The following SOAT1 variants were observed in gnomAD, a reference collection of about 807,000 sequenced individuals.
SOAT1 encodes the protein sterol O-acyltransferase 1, also known as acyl-coenzyme A:cholesterol acyltransferase 1.
Under a neutral mutation model 69.5 loss-of-function variants are expected in SOAT1, and 55 were observed. The ratio of observed to expected loss-of-function variants is 0.79; its 90% CI spans 0.64 to 0.99. The LOEUF is 0.99. SOAT1 is among the 50% of genes least tolerant of loss of function. The probability of loss-of-function intolerance (pLI) is 0.00; values close to 1 mark genes in which losing one functional copy is unlikely to be tolerated. For synonymous variants in SOAT1, 231 were observed against 224.7 expected (o/e 1.03, Z -0.25); for missense variants, 580 against 669.3 (o/e 0.87, Z 1.47).
rs1233635105 is a variant in SOAT1, at chr1:179,358,153, T to A, written c.*4512T>A. 6.6e-6 allele frequency: 1 copy of A among 152,208 alleles called. No individual in the cohort carries two copies. Among genetic ancestry groups the A allele is most frequent in the Non-Finnish European group, 1.5e-5 (1 of 68,036 alleles). The allele number at this position is 152,208 out of a possible 1,614,324, so 9.4% of individuals were successfully genotyped here. A position where few individuals can be genotyped will look rare whatever the true frequency, so the allele number is the denominator to read the frequency against. ...ATATGTTTTTGGTAAAAAAAGACTT[T>A]AATAGCTAATTTGGACTTCAGAAAA... On this transcript the variant is annotated 3_prime_UTR_variant, in exon 16 of 16. Transcript: ENST00000367619.
rs986281801 is a variant in SOAT1 at position 179,354,832 on chromosome 1, T to C, written c.*1191T>C. The C allele has an allele frequency of 6.6e-6, 1 of 152,234 alleles. No homozygotes were observed. Among genetic ancestry groups the C allele is most frequent in the African/African-American group, 2.4e-5 (1 of 41,454 alleles). 9.4% of individuals were successfully genotyped at this position (152,234 alleles called of 1,614,324 possible). ...AATTATTTGTATGTATGAGGTATGA[T>C]TGTAAAGATTGAGCATTGGAAGGGG... is the stretch of plus-strand genomic sequence containing the variant. On this transcript the variant is annotated 3_prime_UTR_variant, in exon 16 of 16. Transcript: ENST00000367619.
chr1:179,319,497 C>T (rs536655701), intron 2 of SOAT1, among the ~76,000 whole-genome samples: 4 of 151,912 alleles, frequency 2.6e-5, no homozygotes, highest in African/African-American at 7.3e-5. Flanking sequence ...CTCGAACTGC[C>T]GACCTCAGGT....
At chr1:179,332,563 CCCTT>C (rs1200538536) in intron 3 of SOAT1, among the ~76,000 whole-genome samples, 3 of 152,146 alleles carry the variant, frequency 2.0e-5, no homozygotes, top group Admixed American at 6.6e-5. Context: ...TGCCGCTTCT[CCCTT>C]CCTTCCTTCT....
intron 2 of SOAT1, among the ~76,000 whole-genome samples, chr1:179,311,304 C>T (rs1402732931): frequency 6.6e-6 from 1 of 151,976 alleles, no homozygotes; most frequent in East Asian, 1.9e-4. Context: ...AGTTAGAGGT[C>T]GCAGTGAGCT....
In SOAT1 at chr1:179,354,752, A is replaced by T. The variant is rs1289124467; in HGVS notation, c.*1111A>T. The T allele has an allele frequency of 4.6e-5, 7 of 152,188 alleles. No homozygotes were observed. The East Asian group carries it at 1.3e-3, about 29-fold the overall frequency. 9.4% of individuals were successfully genotyped at this position (152,188 alleles called of 1,614,324 possible). ...GATTGGTTTCAAGGAAATGTACTCT[A>T]TTATGTAATACTTCCATTTTATAAG... On this transcript the variant is annotated 3_prime_UTR_variant, in exon 16 of 16. Coordinates refer to ENST00000367619, the MANE Select transcript of SOAT1 (RefSeq NM_003101.6).
intron 2 of SOAT1, among the ~76,000 whole-genome samples, chr1:179,308,018 G>T (rs1171457484): frequency 6.6e-6 from 1 of 151,902 alleles, no homozygotes; most frequent in Admixed American, 6.6e-5. Flanking sequence ...TCAAACTCCC[G>T]ACCTCAGGTG....
chr1:179,300,103 C>G (rs1664786206), intron 1 of SOAT1, among the ~76,000 whole-genome samples: 2 of 151,308 alleles, frequency 1.3e-5, no homozygotes, highest in Non-Finnish European at 2.9e-5. Flanking sequence ...GCTATATGCT[C>G]TTTAAAAGAG....
intron 12 of SOAT1, among the ~76,000 whole-genome samples, chr1:179,348,363 A>G (rs1558059036): frequency 6.6e-6 from 1 of 152,144 alleles, no homozygotes; most frequent in Non-Finnish European, 1.5e-5. Flanking sequence ...CAAGAAGCAT[A>G]TATAGGGATA....
Position 179,337,862 on chromosome 1 carries a change from GGAAA to G in SOAT1, c.358_361del (p.Lys120PhefsTer9). On this transcript the variant is annotated frameshift_variant, in exon 5 of 16. Coordinates refer to ENST00000367619, the MANE Select transcript of SOAT1 (RefSeq NM_003101.6). LOFTEE classifies it high-confidence loss of function. The stretch of plus-strand genomic sequence containing the variant: ...GGATTTGAGAGCACCTCCAGAACAA[GGAAA>G]GATTTTTATTGCAAGGCGCTCTCTC... The G allele has an allele frequency of 6.2e-7, 1 of 1,610,648 alleles. No homozygotes were observed. Among genetic ancestry groups the G allele is most frequent in the Non-Finnish European group, 8.5e-7 (1 of 1,178,404 alleles).
At chr1:179,315,529 T>A (rs540986384) in intron 2 of SOAT1, among the ~76,000 whole-genome samples, 2 of 152,298 alleles carry the variant, frequency 1.3e-5, no homozygotes, top group South Asian at 4.1e-4. Context: ...GACATCTAAT[T>A]TTTAAATTTT....
chr1:179,305,762 G>A (rs2250477), intron 2 of SOAT1, among the ~76,000 whole-genome samples: 1 of 151,996 alleles, frequency 6.6e-6, no homozygotes, highest in Non-Finnish European at 1.5e-5. Context: ...TTTGATGATA[G>A]CCTTCCAGCC....
intron 2 of SOAT1, among the ~76,000 whole-genome samples, chr1:179,311,591 C>G (rs866897147): frequency 9.0e-6 from 1 of 110,876 alleles, no homozygotes; most frequent in African/African-American, 2.8e-5. Flanking sequence ...AAAAAAAAAT[C>G]GTTTCTAAAT....
rs149383450 is a variant in SOAT1 at position 179,354,628 on chromosome 1, A to T, written c.*987A>T. On this transcript the variant is annotated 3_prime_UTR_variant, in exon 16 of 16. Transcript: ENST00000367619. ...CCATAAGTATTAATCACCTCCACTC[A>T]TATTAAAGTGATCATTAAGAATCCA... is the stretch of plus-strand genomic sequence containing the variant. 12 of 152,306 alleles carry T rather than the reference A, an allele frequency of 7.9e-5. No homozygotes were observed. Among genetic ancestry groups the T allele is most frequent in the Admixed American group, 7.2e-4 (11 of 15,292 alleles). 9.4% of individuals were successfully genotyped at this position (152,306 alleles called of 1,614,324 possible).
In SOAT1 at chr1:179,295,966, A is replaced by AT. The variant is rs58893158; in HGVS notation, c.-9+2065dup. ...GGGCATGTGCTACCACGCCCGGCTA[A>AT]TTTTTTTTTTTTTTTTTTTTTTTTT... On this transcript the variant is annotated intron_variant, in intron 1 of 15. Coordinates refer to ENST00000367619, the MANE Select transcript of SOAT1 (RefSeq NM_003101.6). 9.7e-3 allele frequency among the ~76,000 whole-genome samples: 503 copies of AT among 52,020 alleles called. 20 individuals carry two copies. The highest frequency in any genetic ancestry group is 0.042 in the African/African-American group (487 of 11,536). 34.1% of individuals were successfully genotyped at this position (52,020 alleles called of 152,430 possible).
At chr1:179,315,627 T>A (rs1188364752) in intron 2 of SOAT1, among the ~76,000 whole-genome samples, 1 of 152,236 alleles carries the variant, frequency 6.6e-6, no homozygotes, top group Non-Finnish European at 1.5e-5. Flanking sequence ...TTTTAAAATA[T>A]ATTTTTCTTC....
chr1:179,347,589 C>CG lies in SOAT1; in HGVS notation c.1118-11_1118-10insG. On this transcript the variant is annotated splice_polypyrimidine_tract_variant and intron_variant, in intron 11 of 15. Transcript: ENST00000367619. ...TGGAAAGACTGTTAATATTGTTAAT[C>CG]TTATTTTTAGGTGTGCTGATTCTCT... is the stretch of plus-strand genomic sequence containing the variant. 6.5e-7 allele frequency: 1 copy of CG among 1,549,686 alleles called. No individual in the cohort carries two copies. Among genetic ancestry groups the CG allele is most frequent in the Non-Finnish European group, 8.9e-7 (1 of 1,123,880 alleles).
chr1:179,311,841 A>G (rs1054877639), intron 2 of SOAT1, among the ~76,000 whole-genome samples: 1 of 152,260 alleles, frequency 6.6e-6, no homozygotes, highest in Non-Finnish European at 1.5e-5. Context: ...TTTAAAGAAC[A>G]AATTGTCTCT....
chr1:179,350,807 A>G (rs1323878080), intron 14 of SOAT1, among the ~76,000 whole-genome samples: 1 of 152,208 alleles, frequency 6.6e-6, no homozygotes, highest in Non-Finnish European at 1.5e-5. Flanking sequence ...GAATATTCTA[A>G]TTCCATGAAA....
intron 2 of SOAT1, among the ~76,000 whole-genome samples, chr1:179,320,395 A>G (rs904138386): frequency 1.3e-4 from 20 of 151,612 alleles, no homozygotes; most frequent in Admixed American, 1.2e-3. Flanking sequence ...TTGATCATCT[A>G]TGTGTCTATC....
Sources: gnomAD v4.1 joint callset for allele counts (sites outside exome capture counted in the v4.1 genomes callset) on GRCh38, gnomAD v4.1.1 for gene constraint, MANE v1.5 for transcripts, NCBI Gene and HGNC (gene_info 2026-07-23, HGNC 2026-07-21) for gene names.